MIGA1: variants seen among roughly 807,000 people sequenced by gnomAD.
MIGA1 encodes family with sequence similarity 73, member A.
In MIGA1, 58 loss-of-function variants were observed where a neutral mutation model predicts 82.0. The observed-to-expected ratio is 0.71, with a 90% CI of 0.57 to 0.88. The LOEUF is 0.88. MIGA1 is among the 40% of genes least tolerant of loss of function. The pLI is 0.00. For synonymous variants in MIGA1, 249 were observed against 253.6 expected, an observed-to-expected ratio of 0.98 and a Z score of 0.17; for missense variants, 751 against 749.1, an observed-to-expected ratio of 1.00 and a Z score of -0.03.
chr1:77,837,389 T>A (rs1386350877), intron 7 of MIGA1, among the ~76,000 whole-genome samples: 1 of 152,110 alleles, frequency 6.6e-6, no homozygotes, highest in Non-Finnish European at 1.5e-5. Context: ...GGCTCCGTAG[T>A]TTATAGCATA....
chr1:77,859,972 A>G (rs1473642581), intron 10 of MIGA1, 68 bp from the exon 11 acceptor site: 2 of 968,876 alleles, frequency 2.1e-6, no homozygotes, highest in Non-Finnish European at 3.2e-6. Context: ...TATTTGTGCT[A>G]TTAAGTTGAA....
chr1:77,787,497 C>T (rs1029481772), intron 2 of MIGA1, among the ~76,000 whole-genome samples: 1 of 149,826 alleles, frequency 6.7e-6, no homozygotes, highest in Non-Finnish European at 1.5e-5. Flanking sequence ...AAGCAATTCT[C>T]CCTGCCTTAG....
At position 77,779,964 on chromosome 1, in the gene MIGA1, C is replaced by T. The variant is rs957103541; in HGVS notation, c.81+228C>T. On this transcript the variant is annotated intron_variant, in intron 1 of 15. Coordinates refer to ENST00000370791, the MANE Select transcript of MIGA1 (RefSeq NM_198549.4). ...ATCTCAGAAGCTAAGCAGGGTCGGGCCTGGTTAGTACTTGCATAGGAAAGC... is the reference window on the plus strand; with the variant it reads ...ATCTCAGAAGCTAAGCAGGGTCGGGTCTGGTTAGTACTTGCATAGGAAAGC... 5 of 1,344,726 alleles carry T rather than the reference C, an allele frequency of 3.7e-6. No homozygotes were observed. In the African/African-American group the frequency reaches 6.1e-5, roughly 16 times the overall value. The allele number at this position is 1,344,726 out of a possible 1,614,324, so 83.3% of individuals were successfully genotyped here. A position where few individuals can be genotyped will look rare whatever the true frequency, so the allele number is the denominator to read the frequency against.
intron 2 of MIGA1, among the ~76,000 whole-genome samples, chr1:77,789,023 G>A (rs867694921): frequency 1.3e-4 from 19 of 151,998 alleles, no homozygotes; most frequent in African/African-American, 4.4e-4. Flanking sequence ...ACAATGTTAA[G>A]TCTTCTAATC....
chr1:77,869,451 C>T (rs866277036), intron 14 of MIGA1, among the ~76,000 whole-genome samples: 1,618 of 144,400 alleles, frequency 0.011, 28 homozygotes, highest in African/African-American at 0.04. Flanking sequence ...CCCAATGAGC[C>T]GCTGGGCACA....
intron 2 of MIGA1, among the ~76,000 whole-genome samples, chr1:77,797,535 G>T (rs189706969): frequency 1.3e-5 from 2 of 151,798 alleles, no homozygotes; most frequent in Non-Finnish European, 2.9e-5. Context: ...AATTTTTCTG[G>T]GTTTTTTATT....
At chr1:77,851,652 A>G (rs1016799566) in intron 8 of MIGA1, among the ~76,000 whole-genome samples, 4 of 152,178 alleles carry the variant, frequency 2.6e-5, no homozygotes, top group African/African-American at 4.8e-5. Context: ...AGAGTCAATA[A>G]TGTTAGCTAG....
At chr1:77,859,910 T>C (rs773246382) in intron 10 of MIGA1, 130 bp from the exon 11 acceptor site, 1 of 610,406 alleles carries the variant, frequency 1.6e-6, no homozygotes, top group African/African-American at 1.9e-5. Context: ...ACTTTCTCTG[T>C]GAGCTGCCTG....
At chr1:77,873,826 A>G (rs1189983411) in intron 15 of MIGA1, among the ~76,000 whole-genome samples, 1 of 152,178 alleles carries the variant, frequency 6.6e-6, no homozygotes, top group Admixed American at 6.5e-5. Context: ...TCAAGGTAAT[A>G]TTTTTATAAA....
At chr1:77,832,091 A>T (rs2101858969) in intron 7 of MIGA1, among the ~76,000 whole-genome samples, 1 of 152,350 alleles carries the variant, frequency 6.6e-6, no homozygotes, top group African/African-American at 2.4e-5. Context: ...AGCAGGCAAC[A>T]CTGAAGCCTG....
chr1:77,811,306 C>T, intron 5 of MIGA1: 1 of 1,604,086 alleles, frequency 6.2e-7, no homozygotes, highest in East Asian at 2.2e-5. Flanking sequence ...CGATGGCAAC[C>T]TTGGTAATAA....
intron 8 of MIGA1, 79 bp from the exon 9 acceptor site, chr1:77,858,859 A>T (rs1685362166): frequency 1.3e-6 from 1 of 772,338 alleles, no homozygotes; most frequent in East Asian, 2.5e-5. Context: ...GGTTCAAATG[A>T]TCCTCCCAAA....
rs959264481 is a variant in MIGA1, at chr1:77,845,227, T to C, written c.996+1820T>C. ...AAAAAAATTTTTCCACTTATAAGTT[T>C]GCAGTAGACAGAATATATTTTCTTG... On this transcript the variant is annotated intron_variant, in intron 8 of 15. Coordinates refer to ENST00000370791, the MANE Select transcript of MIGA1 (RefSeq NM_198549.4). Among the ~76,000 whole-genome samples the C allele has an allele frequency of 3.0e-4, 45 of 152,316 alleles. 1 individual carries two copies. Among genetic ancestry groups the C allele is most frequent in the Admixed American group, 4.6e-4 (7 of 15,290 alleles).
rs532787719 is a variant in MIGA1 at position 77,860,501 on chromosome 1, A to T, written c.1275+375A>T. On this transcript the variant is annotated intron_variant, in intron 11 of 15. Coordinates refer to ENST00000370791, the MANE Select transcript of MIGA1 (RefSeq NM_198549.4). The stretch of plus-strand genomic sequence containing the variant: ...TCTGGAATACAAATTGAACTGCCTC[A>T]TCTTCATGTAGTTGAATGAGGCAGA... The T allele has an allele frequency of 1.1e-4, 18 of 164,676 alleles. No individual in the cohort carries two copies. In the South Asian group the frequency reaches 2.6e-3, roughly 24 times the overall value. 10.2% of individuals were successfully genotyped at this position (164,676 alleles called of 1,614,324 possible). A position where few individuals can be genotyped will look rare whatever the true frequency, so the allele number is the denominator to read the frequency against.
chr1:77,787,243 G>A (rs1557893056), intron 2 of MIGA1, among the ~76,000 whole-genome samples: 1 of 152,306 alleles, frequency 6.6e-6, no homozygotes, highest in Admixed American at 6.5e-5. Context: ...AGATTTGGGT[G>A]GGGACACAGC....
In MIGA1 at chr1:77,879,052, A is replaced by G. The variant is rs1051887367; in HGVS notation, c.*3988A>G. ...AATAATTCCTGTAAGCCTAGGAAAT[A>G]GGAATGCCAAAGTAACATTTAATGT... On this transcript the variant is annotated 3_prime_UTR_variant, in exon 16 of 16. Transcript: ENST00000370791. 14 of 219,922 alleles carry G rather than the reference A, an allele frequency of 6.4e-5. No homozygotes were observed. The highest frequency in any genetic ancestry group is 2.7e-4 in the African/African-American group (12 of 44,528). 13.6% of individuals were successfully genotyped at this position (219,922 alleles called of 1,614,324 possible). A position where few individuals can be genotyped will look rare whatever the true frequency, so the allele number is the denominator to read the frequency against.
intron 5 of MIGA1, chr1:77,811,150 G>A: frequency 6.5e-7 from 1 of 1,527,944 alleles, no homozygotes; most frequent in East Asian, 2.3e-5. Context: ...TTCTTTTCTT[G>A]AAGCCACAGG....
At chr1:77,848,245 A>G (rs1684917598) in intron 8 of MIGA1, 2 of 1,402,910 alleles carry the variant, frequency 1.4e-6, no homozygotes, top group Non-Finnish European at 2.0e-6. Context: ...GGGACCAAAG[A>G]GAAAGAAGTG....
chr1:77,819,605 A>C (rs1257663551), intron 7 of MIGA1, among the ~76,000 whole-genome samples: 2 of 141,358 alleles, frequency 1.4e-5, no homozygotes, highest in African/African-American at 5.4e-5. Context: ...TTTTTGAGAG[A>C]GAGGGTCTGG....
Sources: allele counts gnomAD v4.1 joint callset (sites outside exome capture counted in the v4.1 genomes callset), GRCh38; gene constraint gnomAD v4.1.1; transcripts MANE v1.5; gene names NCBI Gene and HGNC (gene_info 2026-07-23, HGNC 2026-07-21).